Variants in CTF1 observed in about 807,000 individuals in gnomAD.
The protein encoded by CTF1 is cardiotrophin 1, also known as cardiotrophin-1.
A neutral mutation model predicts 10.9 loss-of-function variants in CTF1; 9 were observed. The ratio of observed to expected loss-of-function variants is 0.83; its 90% confidence interval spans 0.50 to 1.44. The LOEUF (loss-of-function observed/expected upper bound fraction) is 1.44, where lower values mean the gene tolerates loss of function less well. Ranked by LOEUF, CTF1 falls within the 40% of genes most tolerant of loss-of-function variation. The pLI is 0.00. For missense variants in CTF1, 259 were observed against 275.3 expected, an observed-to-expected ratio of 0.94 and a Z score of 0.42; for synonymous variants, 133 against 138.8, an observed-to-expected ratio of 0.96 and a Z score of 0.29.
chr16:30,902,088 A>T lies in CTF1; in HGVS notation c.155A>T (p.Gln52Leu), dbSNP rs1321972216. The change falls in exon 3 of 3, where the codon CAG (glutamine) becomes CTG (leucine). Residue 52 changes from glutamine (Q) to leucine (L), a missense_variant. Physicochemically the swap from Gln to Leu is moderately radical, Grantham distance 113. Transcript: ENST00000279804. Reference sequence around the variant, plus strand: ...GCCGTGTCTCCGCAGGTGCAGCTCCAGGGAGACCCCTTCGGGCTGCCCAGC... The same window carrying T: ...GCCGTGTCTCCGCAGGTGCAGCTCCTGGGAGACCCCTTCGGGCTGCCCAGC... The part of the protein sequence containing the change: ...EQLLQEYVQL[Q>L]GDPFGLPSFS... 1 of 1,442,188 alleles carries T rather than the reference A, an allele frequency of 6.9e-7. No individual in the cohort carries two copies. The highest frequency in any genetic ancestry group is 2.4e-5 in the Admixed American group (1 of 42,264). The allele number at this position is 1,442,188 out of a possible 1,614,324, so 89.3% of individuals were successfully genotyped here. A position where few individuals can be genotyped will look rare whatever the true frequency, so the allele number is the denominator to read the frequency against.
At position 30,899,464 on chromosome 16, in the gene CTF1, C is replaced by A. The variant is rs759831407; in HGVS notation, c.75C>A (p.Ala25=). The A allele has an allele frequency of 1.9e-6, 3 of 1,569,818 alleles. No individual in the cohort carries two copies. The highest frequency in any genetic ancestry group is 4.8e-5 in the East Asian group (2 of 41,668). ...TCTCACTTCTTCCCCACTTGGAGGC[C>A]AAGATCCGTCAGACACACAGCCTTG... The part of the protein sequence containing the change: ...SSVSLLPHLE[A]KIRQTHSLAH... Residue 25 remains alanine (A), a synonymous_variant, in exon 2 of 3, where the codon GCC becomes GCA. Transcript: ENST00000279804.
intron 1 of CTF1, among the ~76,000 whole-genome samples, chr16:30,898,320 CCTGA>C (rs1327220699): frequency 3.3e-5 from 5 of 152,116 alleles, no homozygotes; most frequent in African/African-American, 1.2e-4. Context: ...CACCATCATG[CCTGA>C]CTAATTTTTG....
At chr16:30,897,868 C>T (rs1190275835) in intron 1 of CTF1, among the ~76,000 whole-genome samples, 1 of 151,982 alleles carries the variant, frequency 6.6e-6, no homozygotes, top group Non-Finnish European at 1.5e-5. Flanking sequence ...CTCTCTCTCT[C>T]TTTCTCTTTT....
rs2055415462 is a variant in CTF1, at chr16:30,902,574, T to G, written c.*35T>G. On this transcript the variant is annotated 3_prime_UTR_variant, in exon 3 of 3. Coordinates refer to ENST00000279804, the MANE Select transcript of CTF1 (RefSeq NM_001330.5). ...GGCAGCTCGCCCCGCCTCCTCCCGC[T>G]GGGTTCCGTCTCTCCTTCCGCTTCT... is the stretch of plus-strand genomic sequence containing the variant. 2 of 1,488,462 alleles carry G rather than the reference T, an allele frequency of 1.3e-6. No homozygotes were observed. The highest frequency in any genetic ancestry group is 1.5e-5 in the African/African-American group (1 of 68,888). 92.2% of individuals were successfully genotyped at this position (1,488,462 alleles called of 1,614,324 possible).
chr16:30,901,727 C>T (rs904913717), intron 2 of CTF1, among the ~76,000 whole-genome samples: 19 of 147,742 alleles, frequency 1.3e-4, no homozygotes, highest in Admixed American at 1.2e-3. Flanking sequence ...TACAGACATG[C>T]GCCACCACAC....
chr16:30,896,745 T>C, intron 1 of CTF1, 77 bp downstream of exon 1: 1 of 1,213,034 alleles, frequency 8.2e-7, no homozygotes. Context: ...GGGGTCTGGG[T>C]TTCCGCCACC....
chr16:30,897,410 G>C (rs781171168), intron 1 of CTF1, among the ~76,000 whole-genome samples: 10 of 152,180 alleles, frequency 6.6e-5, no homozygotes, highest in Non-Finnish European at 1.5e-4. Flanking sequence ...CACTGAGGTA[G>C]AAATATGTAA....
At chr16:30,900,612 A>G (rs1362002148) in intron 2 of CTF1, among the ~76,000 whole-genome samples, 6 of 152,002 alleles carry the variant, frequency 3.9e-5, no homozygotes, top group Non-Finnish European at 8.8e-5. Context: ...AAAAGAAAAG[A>G]ATAAAAGAAA....
At position 30,902,157 on chromosome 16, in the gene CTF1, C is replaced by G. The variant is rs1385458236; in HGVS notation, c.224C>G (p.Ala75Gly). The G allele has an allele frequency of 7.6e-7, 1 of 1,324,376 alleles. No individual in the cohort carries two copies. Among genetic ancestry groups the G allele is most frequent in the Non-Finnish European group, 9.7e-7 (1 of 1,036,022 alleles). 82.0% of individuals were successfully genotyped at this position (1,324,376 alleles called of 1,614,324 possible). Residue 75 changes from alanine to glycine, a missense_variant, in exon 3 of 3, where the codon GCT becomes GGT. Ala to Gly is a moderately conservative substitution (Grantham distance 60). Coordinates refer to ENST00000279804, the MANE Select transcript of CTF1 (RefSeq NM_001330.5). The stretch of plus-strand genomic sequence containing the variant: ...CCGGTGGCCGGCCTGAGCGCCCCGG[C>G]TCCGAGCCACGCGGGGCTGCCAGTG... ...RLPVAGLSAP[A>G]PSHAGLPVHE...
rs1338794364 is a variant in CTF1 at position 30,902,209 on chromosome 16, G to GGCGCTGGCC, written c.283_291dup (p.Ala95_Leu97dup). On this transcript the variant is annotated inframe_insertion, in exon 3 of 3. Coordinates refer to ENST00000279804, the MANE Select transcript of CTF1 (RefSeq NM_001330.5). The stretch of plus-strand genomic sequence containing the variant: ...ACGAGCGGCTGCGGCTGGACGCGGC[G>GGCGCTGGCC]GCGCTGGCCGCGCTGCCCCCGCTGC... The GGCGCTGGCC allele has an allele frequency of 1.7e-6, 2 of 1,168,008 alleles. No individual in the cohort carries two copies. Among genetic ancestry groups the GGCGCTGGCC allele is most frequent in the Non-Finnish European group, 2.1e-6 (2 of 948,964 alleles). The allele number at this position is 1,168,008 out of a possible 1,614,324, so 72.4% of individuals were successfully genotyped here. A position where few individuals can be genotyped will look rare whatever the true frequency, so the allele number is the denominator to read the frequency against.
Position 30,899,507 on chromosome 16 carries a change from T to A in CTF1, c.118T>A (p.Tyr40Asn). ...CAGCCTTGCGCACCTCCTCACCAAA[T>A]ACGCTGAGCAGCTGCTCCAGGAATA... ...THSLAHLLTKYAEQLLQEYVQ... is the reference protein window; with the variant it reads ...THSLAHLLTKNAEQLLQEYVQ... The change falls in exon 2 of 3, where the codon TAC becomes AAC. Residue 40 changes from tyrosine to asparagine, a missense_variant. Physicochemically the swap from Tyr to Asn is moderately radical, Grantham distance 143. Coordinates refer to ENST00000279804, the MANE Select transcript of CTF1 (RefSeq NM_001330.5). 6.4e-7 allele frequency: 1 copy of A among 1,573,202 alleles called. No homozygotes were observed. Among genetic ancestry groups the A allele is most frequent in the Non-Finnish European group, 8.6e-7 (1 of 1,157,080 alleles).
At position 30,903,347 on chromosome 16, in the gene CTF1, C is replaced by T. The variant is rs555747301; in HGVS notation, c.*808C>T. The T allele has an allele frequency of 6.5e-6, 1 of 154,140 alleles. No individual in the cohort carries two copies. The highest frequency in any genetic ancestry group is 2.4e-5 in the African/African-American group (1 of 41,576). 9.5% of individuals were successfully genotyped at this position (154,140 alleles called of 1,614,324 possible). On this transcript the variant is annotated 3_prime_UTR_variant, in exon 3 of 3. Transcript: ENST00000279804. ...CCTCAGGCTCACTCCACCTACATCC[C>T]CAGTCTGCCACACCCCATCCCTTTG... is the stretch of plus-strand genomic sequence containing the variant.
chr16:30,898,009 C>T (rs2055368718), intron 1 of CTF1, among the ~76,000 whole-genome samples: 1 of 142,982 alleles, frequency 7.0e-6, no homozygotes, highest in Non-Finnish European at 1.5e-5. Context: ...CGTGTGCCAC[C>T]AAGTCCAGCT....
chr16:30,902,045 G>T, intron 2 of CTF1, 33 bp from the exon 3 acceptor site: 1 of 1,434,452 alleles, frequency 7.0e-7, no homozygotes, highest in Non-Finnish European at 9.2e-7. Flanking sequence ...CGTGCTCCGG[G>T]GCCCCGCTGA....
intron 2 of CTF1, 88 bp from the exon 3 acceptor site, chr16:30,901,990 A>T (rs2055404153): frequency 8.5e-7 from 1 of 1,179,476 alleles, no homozygotes; most frequent in South Asian, 2.1e-5. Flanking sequence ...GGAAACTGAC[A>T]CCCCCAGAGA....
intron 2 of CTF1, among the ~76,000 whole-genome samples, chr16:30,900,491 C>T (rs150023446): frequency 3.3e-5 from 5 of 152,168 alleles, no homozygotes; most frequent in African/African-American, 4.8e-5. Context: ...GGGCTGGGTG[C>T]GTTGGCTCAT....
At chr16:30,901,743 A>ATT (rs757616467) in intron 2 of CTF1, among the ~76,000 whole-genome samples, 1,212 of 97,732 alleles carry the variant, frequency 0.012, 34 homozygotes, top group East Asian at 0.029. Flanking sequence ...CACACTCGCT[A>ATT]TTTTTTTTTT....
At position 30,896,638 on chromosome 16, in the gene CTF1, G is replaced by A; in HGVS notation, c.-6G>A. The A allele has an allele frequency of 1.6e-6, 2 of 1,252,760 alleles. No homozygotes were observed. Among genetic ancestry groups the A allele is most frequent in the East Asian group, 6.3e-5 (2 of 31,758 alleles). 77.6% of individuals were successfully genotyped at this position (1,252,760 alleles called of 1,614,324 possible). On this transcript the variant is annotated 5_prime_UTR_variant, in exon 1 of 3. Coordinates refer to ENST00000279804, the MANE Select transcript of CTF1 (RefSeq NM_001330.5). ...TGAAGGGAGCCGGGATCAGCCAGGG[G>A]CCAGCATGAGCCGGAGGGAGGGAAG...
At chr16:30,897,866 CTCTT>C (rs1015513833) in intron 1 of CTF1, among the ~76,000 whole-genome samples, 4 of 152,038 alleles carry the variant, frequency 2.6e-5, no homozygotes, top group African/African-American at 9.7e-5. Flanking sequence ...CTCTCTCTCT[CTCTT>C]TCTCTTTTGG....
Sources: gnomAD v4.1 joint callset for allele counts (sites outside exome capture counted in the v4.1 genomes callset) on GRCh38, gnomAD v4.1.1 for gene constraint, MANE v1.5 for transcripts, NCBI Gene and HGNC (gene_info 2026-07-23, HGNC 2026-07-21) for gene names.